Variants in IQCM observed in about 807,000 individuals in gnomAD.
The protein encoded by IQCM is IQ domain-containing protein M.
IQCM carries 45 observed loss-of-function variants against 57.6 expected under a neutral mutation model. The ratio of observed to expected loss-of-function variants is 0.78; its 90% CI spans 0.62 to 1.00. The LOEUF is 1.00. Ranked by LOEUF, IQCM falls within the 50% of genes least tolerant of loss-of-function variation. The pLI is 0.00. For synonymous variants in IQCM, 148 were observed against 158.9 expected (o/e 0.93, Z 0.51); for missense variants, 468 against 511.6 (o/e 0.91, Z 0.82).
chr4:149,692,688 T>C (rs1763029236), intron 5 of IQCM, among the ~76,000 whole-genome samples: 1 of 152,126 alleles, frequency 6.6e-6, no homozygotes. Context: ...TATGAAAATC[T>C]AACATTGCTG....
At chr4:149,715,472 G>C (rs778610510) in intron 5 of IQCM, among the ~76,000 whole-genome samples, 21 of 152,202 alleles carry the variant, frequency 1.4e-4, no homozygotes, top group Admixed American at 4.6e-4. Flanking sequence ...GCCCCAAAGA[G>C]AGTGTCACAG....
At chr4:149,649,005 T>C (rs1228931430) in intron 7 of IQCM, among the ~76,000 whole-genome samples, 1 of 152,192 alleles carries the variant, frequency 6.6e-6, no homozygotes, top group Admixed American at 6.5e-5. Flanking sequence ...ATCTCGGGCA[T>C]TGCCAGTTGG....
intron 13 of IQCM, among the ~76,000 whole-genome samples, chr4:149,362,389 C>T (rs576704756): frequency 1.3e-5 from 2 of 152,090 alleles, no homozygotes; most frequent in African/African-American, 4.8e-5. Flanking sequence ...TGGCTCTGTC[C>T]CCACCCAAAC....
intron 7 of IQCM, among the ~76,000 whole-genome samples, chr4:149,679,660 T>TAA (rs151254484): frequency 1.4e-5 from 2 of 147,592 alleles, no homozygotes; most frequent in African/African-American, 4.9e-5. Flanking sequence ...GCATGAATTG[T>TAA]AAAAAAAAAA....
chr4:149,370,052 C>T lies in IQCM; in HGVS notation c.1391-17986G>A, dbSNP rs72953662. On this transcript the variant is annotated intron_variant, in intron 13 of 13. Transcript: ENST00000636793. ...CTGGGACTACAGGCTGGGGCCACCA[C>T]GTCTGGCAATTTTTTTATTTTTGTA... Among the ~76,000 whole-genome samples the T allele has an allele frequency of 7.8e-3, 1,180 of 152,126 alleles. 13 individuals carry two copies. Among genetic ancestry groups the T allele is most frequent in the African/African-American group, 0.022 (913 of 41,506 alleles).
intron 7 of IQCM, among the ~76,000 whole-genome samples, chr4:149,650,720 T>C (rs1441825185): frequency 6.6e-6 from 1 of 152,160 alleles, no homozygotes; most frequent in Admixed American, 6.5e-5. Context: ...GCCCTTCAGT[T>C]TGTGGTAATT....
intron 9 of IQCM, among the ~76,000 whole-genome samples, chr4:149,567,840 T>A (rs1358171107): frequency 6.6e-6 from 1 of 152,154 alleles, no homozygotes; most frequent in Non-Finnish European, 1.5e-5. Context: ...TTTATTTTTT[T>A]AAAGCTAAAG....
At chr4:149,517,153 C>G (rs886709384) in intron 12 of IQCM, among the ~76,000 whole-genome samples, 1 of 145,482 alleles carries the variant, frequency 6.9e-6, no homozygotes, top group Admixed American at 6.9e-5. Context: ...CCTGCTGAGG[C>G]GCTTGCTAAA....
chr4:149,551,125 C>T (rs916537011), intron 11 of IQCM, among the ~76,000 whole-genome samples: 4 of 152,154 alleles, frequency 2.6e-5, no homozygotes, highest in Non-Finnish European at 5.9e-5. Context: ...ACTACCTTTC[C>T]AATTTCATTT....
chr4:149,671,647 A>G (rs571539249), intron 7 of IQCM, among the ~76,000 whole-genome samples: 2 of 152,050 alleles, frequency 1.3e-5, no homozygotes, highest in African/African-American at 2.4e-5. Context: ...ACACTGCTTT[A>G]AATGTGTCCC....
intron 12 of IQCM, among the ~76,000 whole-genome samples, chr4:149,442,957 G>C (rs201821610): frequency 0.094 from 1,816 of 19,330 alleles, 8 homozygotes; most frequent in African/African-American, 0.16. Context: ...CACACACAGA[G>C]AGAGAGAGAG....
At chr4:149,668,339 T>G (rs1187979956) in intron 7 of IQCM, among the ~76,000 whole-genome samples, 1 of 152,088 alleles carries the variant, frequency 6.6e-6, no homozygotes, top group East Asian at 1.9e-4. Context: ...GCTTCATAAG[T>G]GAAGGAGAAA....
chr4:149,562,827 T>G (rs1159392896), intron 10 of IQCM, among the ~76,000 whole-genome samples: 1 of 152,194 alleles, frequency 6.6e-6, no homozygotes, highest in African/African-American at 2.4e-5. Context: ...GCAGATGGAT[T>G]AACTCTAACA....
At position 149,504,469 on chromosome 4, in the gene IQCM, G is replaced by A. The variant is rs114760985; in HGVS notation, c.1228+43986C>T. Among the ~76,000 whole-genome samples the A allele has an allele frequency of 2.0e-4, 30 of 151,380 alleles. No homozygotes were observed. In the South Asian group the frequency reaches 4.4e-3, roughly 22 times the overall value. ...CCCTCTCCCAATCCCAATCCCCACC[G>A]CCCAGCCCACACCCACCCCCCATGA... On this transcript the variant is annotated intron_variant, in intron 12 of 13. Coordinates refer to ENST00000636793, the MANE Select transcript of IQCM (RefSeq NM_001363507.2).
chr4:149,426,285 A>G (rs181444454), intron 13 of IQCM, among the ~76,000 whole-genome samples: 44 of 152,094 alleles, frequency 2.9e-4, no homozygotes, highest in Middle Eastern at 6.8e-3. Flanking sequence ...CCACTGAACA[A>G]AAGTCTTATT....
chr4:149,486,056 TCTC>T (rs1741468448), intron 12 of IQCM, among the ~76,000 whole-genome samples: 1 of 151,210 alleles, frequency 6.6e-6, no homozygotes, highest in Non-Finnish European at 1.5e-5. Flanking sequence ...TCTCTCTCTC[TCTC>T]TCTCTTTCTC....
At chr4:149,457,432 C>A (rs937073622) in intron 12 of IQCM, among the ~76,000 whole-genome samples, 1 of 152,020 alleles carries the variant, frequency 6.6e-6, no homozygotes, top group African/African-American at 2.4e-5. Context: ...TGTGCTTGCT[C>A]TCTTCTAATA....
At position 149,356,569 on chromosome 4, in the gene IQCM, A is replaced by G. The variant is rs1342597348; in HGVS notation, c.1391-4503T>C. Among the ~76,000 whole-genome samples, 8 of 152,096 alleles carry G rather than the reference A, an allele frequency of 5.3e-5. No homozygotes were observed. The East Asian group carries it at 1.5e-3, about 29-fold the overall frequency. ...CAGATAGTTGTAGATATGCGGCATT[A>G]TTTCTGAGGGCTCTGTTCTGTTTCA... On this transcript the variant is annotated intron_variant, in intron 13 of 13. Transcript: ENST00000636793.
chr4:149,790,034 G>A, intron 2 of IQCM: 1 of 433,734 alleles, frequency 2.3e-6, no homozygotes. Flanking sequence ...TACTTCTGAT[G>A]CACATGCATT....
Sources: allele counts gnomAD v4.1 joint callset (sites outside exome capture counted in the v4.1 genomes callset), GRCh38; gene constraint gnomAD v4.1.1; transcripts MANE v1.5; gene names NCBI Gene and HGNC (gene_info 2026-07-23, HGNC 2026-07-21).